LCORL: variants seen among roughly 807,000 people sequenced by gnomAD.
LCORL encodes ligand dependent nuclear receptor corepressor like, also known as ligand-dependent nuclear receptor corepressor-like protein.
A neutral mutation model predicts 141.8 loss-of-function variants in LCORL; 41 were observed. That is an observed-to-expected ratio of 0.29 (90% CI 0.23 to 0.38). The LOEUF (loss-of-function observed/expected upper bound fraction) is 0.38, where lower values mean the gene tolerates loss of function less well. LCORL is among the 10% of genes least tolerant of loss of function. The probability of loss-of-function intolerance (pLI) is 1.00; values close to 1 mark genes in which losing one functional copy is unlikely to be tolerated. For missense variants in LCORL, 1,759 were observed against 2,035.0 expected (o/e 0.86, Z 2.61); for synonymous variants, 618 against 694.1 (o/e 0.89, Z 1.72).
At chr4:17,843,496 T>A in exon 8 of LCORL, 1 of 1,541,268 alleles carries the variant, frequency 6.5e-7, no homozygotes, top group Non-Finnish European at 8.8e-7. Context: ...GAAGTTACCC[T>A]TGTCAAAATC....
At chr4:18,011,971 G>A (rs902402155) in intron 1 of LCORL, among the ~76,000 whole-genome samples, 23 of 152,244 alleles carry the variant, frequency 1.5e-4, no homozygotes, top group African/African-American at 5.5e-4. Flanking sequence ...CCTGATCACT[G>A]TGAACTCTTT....
intron 2 of LCORL, among the ~76,000 whole-genome samples, chr4:17,969,197 G>A (rs1205217801): frequency 6.6e-6 from 1 of 152,138 alleles, no homozygotes. Context: ...CAGGCATAGA[G>A]TACTGGGAAC....
In LCORL at chr4:17,884,226, C is replaced by T. The variant is rs900041449; in HGVS notation, c.776+1842G>A. The T allele has an allele frequency of 2.2e-5, 34 of 1,549,940 alleles. No individual in the cohort carries two copies. The highest frequency in any genetic ancestry group is 5.5e-5 in the African/African-American group (4 of 72,836). On this transcript the variant is annotated intron_variant, in intron 6 of 7. Transcript: ENST00000635767. The surrounding 1 kb of genome is among the most constrained non-coding windows in gnomAD (Gnocchi z 4.4). ...GAGGTTTTGGAAACTTGATACATAA[C>T]ATCCAACAGACCAGAACCATCAGGT...
chr4:17,880,743 T>G, intron 6 of LCORL: 1 of 967,152 alleles, frequency 1.0e-6, no homozygotes, highest in Non-Finnish European at 1.2e-6. Context: ...CAATTAAAAT[T>G]CATACAATCA....
rs147153811 is a variant in LCORL at position 17,966,909 on chromosome 4, A to G, written c.221-3860T>C. Among the ~76,000 whole-genome samples, 284 of 152,302 alleles carry G rather than the reference A, an allele frequency of 1.9e-3. 2 individuals carry two copies. The highest frequency in any genetic ancestry group is 6.4e-3 in the African/African-American group (266 of 41,578). Reference sequence around the variant, plus strand: ...TTACAAAACTAAACATAGTCTATCAATGATGCTCCTAAATATTTACCCAAA... The same window carrying G: ...TTACAAAACTAAACATAGTCTATCAGTGATGCTCCTAAATATTTACCCAAA... On this transcript the variant is annotated intron_variant, in intron 2 of 7. Transcript: ENST00000635767.
chr4:17,995,389 G>C (rs1056843677), intron 1 of LCORL, among the ~76,000 whole-genome samples: 3 of 151,978 alleles, frequency 2.0e-5, no homozygotes, highest in African/African-American at 7.2e-5. Context: ...TGTGGGAAGA[G>C]GCCAACTGTG....
At chr4:18,001,205 T>C (rs183898220) in intron 1 of LCORL, among the ~76,000 whole-genome samples, 1 of 152,264 alleles carries the variant, frequency 6.6e-6, no homozygotes, top group East Asian at 1.9e-4. Flanking sequence ...AAGGATTCAG[T>C]GTATGCTAAA....
Position 17,884,297 on chromosome 4 carries a change from T to C in LCORL, c.776+1771A>G, listed in dbSNP as rs1727999644. 6.5e-7 allele frequency: 1 copy of C among 1,549,962 alleles called. No homozygotes were observed. The highest frequency in any genetic ancestry group is 2.0e-5 in the Admixed American group (1 of 50,690). ...TACTCGTAGCTGAGGAATTTTTAAC[T>C]GTACAGTAGGATTTGAAGTTTCATA... is the stretch of plus-strand genomic sequence containing the variant. On this transcript the variant is annotated intron_variant, in intron 6 of 7. Transcript: ENST00000635767. This position sits in a 1 kb window ranked among gnomAD's most constrained non-coding sequence, Gnocchi z 4.4.
Position 17,925,427 on chromosome 4 carries a change from G to A in LCORL, c.431-16082C>T, listed in dbSNP as rs145872954. On this transcript the variant is annotated intron_variant, in intron 4 of 7. Coordinates refer to ENST00000635767, the Ensembl canonical transcript of LCORL. ...GAATGAAGCCTTAGGTCACTCCATC[G>A]GGTAAAAACCCACAGCCCACTGAGG... 2.5e-3 allele frequency among the ~76,000 whole-genome samples: 378 copies of A among 152,194 alleles called. 1 individual carries two copies. Among genetic ancestry groups the A allele is most frequent in the African/African-American group, 7.9e-3 (330 of 41,544 alleles).
intron 1 of LCORL, among the ~76,000 whole-genome samples, chr4:18,015,365 C>A (rs1034081699): frequency 6.6e-6 from 1 of 152,190 alleles, no homozygotes; most frequent in Non-Finnish European, 1.5e-5. Context: ...TAAAATTACA[C>A]ACTGCTTGGT....
Position 17,841,663 on chromosome 4 carries a change from T to G in LCORL, c.*4225A>C, listed in dbSNP as rs1320698744. 5 of 152,062 alleles carry G rather than the reference T, an allele frequency of 3.3e-5. No individual in the cohort carries two copies. The East Asian group carries it at 9.6e-4, about 29-fold the overall frequency. The allele number at this position is 152,062 out of a possible 1,614,324, so 9.4% of individuals were successfully genotyped here. A position where few individuals can be genotyped will look rare whatever the true frequency, so the allele number is the denominator to read the frequency against. Reference sequence around the variant, plus strand: ...TTTTTAATAGACCAAACTTCATATATTCATATTGTTTTATTCCTTATAAAT... The same window carrying G: ...TTTTTAATAGACCAAACTTCATATAGTCATATTGTTTTATTCCTTATAAAT... On this transcript the variant is annotated 3_prime_UTR_variant, in exon 8 of 8. Coordinates refer to ENST00000635767, the Ensembl canonical transcript of LCORL.
At chr4:17,984,161 T>G (rs1718523313) in intron 1 of LCORL, among the ~76,000 whole-genome samples, 1 of 152,182 alleles carries the variant, frequency 6.6e-6, no homozygotes. Context: ...GCTGCTGGAT[T>G]CAGTCTCCCA....
intron 4 of LCORL, among the ~76,000 whole-genome samples, chr4:17,936,792 G>C (rs1247777771): frequency 1.3e-5 from 2 of 151,936 alleles, no homozygotes; most frequent in Non-Finnish European, 2.9e-5. Flanking sequence ...ATTTTTTGCA[G>C]TAGGGGTGGC....
At chr4:17,912,215 C>A (rs1732674398) in intron 4 of LCORL, 2 of 761,644 alleles carry the variant, frequency 2.6e-6, no homozygotes, top group Admixed American at 1.7e-5. Context: ...ACAAAGCTGG[C>A]CGTGCGCCAG....
chr4:17,961,979 T>G lies in LCORL; in HGVS notation c.354A>C (p.Ser118=), dbSNP rs995716113. Residue 118 remains serine, a synonymous_variant, in exon 4 of 8, where the codon TCA becomes TCC. Coordinates refer to ENST00000635767, the Ensembl canonical transcript of LCORL. ...TATCAGTGTTGGACTGGCCCTGAGA[T>G]GATAGCTCCTCTGTTGGTGTTGACT... 5 of 1,609,276 alleles carry G rather than the reference T, an allele frequency of 3.1e-6. No individual in the cohort carries two copies. The African/African-American group carries it at 6.7e-5, about 22-fold the overall frequency.
chr4:17,992,811 T>C (rs768664882), intron 1 of LCORL, among the ~76,000 whole-genome samples: 56 of 152,246 alleles, frequency 3.7e-4, no homozygotes, highest in Non-Finnish European at 5.6e-4. Context: ...ACCATACTCA[T>C]AAATGTAAAA....
chr4:17,865,670 A>G (rs986363363), intron 7 of LCORL, among the ~76,000 whole-genome samples: 2 of 152,232 alleles, frequency 1.3e-5, no homozygotes, highest in Admixed American at 6.5e-5. Flanking sequence ...TCCTTCTACC[A>G]CTATAACACT....
intron 4 of LCORL, among the ~76,000 whole-genome samples, chr4:17,929,001 T>C (rs562072299): frequency 1.3e-5 from 2 of 152,162 alleles, no homozygotes; most frequent in South Asian, 2.1e-4. Context: ...TTCTAACCAA[T>C]AGCACAAAAC....
At chr4:17,967,302 G>A (rs1408790974) in intron 2 of LCORL, among the ~76,000 whole-genome samples, 1 of 152,124 alleles carries the variant, frequency 6.6e-6, no homozygotes, top group Non-Finnish European at 1.5e-5. Flanking sequence ...TTTTGGCAGT[G>A]ATATGCACTG....
Sources: gnomAD v4.1 joint callset for allele counts (sites outside exome capture counted in the v4.1 genomes callset) on GRCh38, gnomAD v4.1.1 for gene constraint, Gnocchi (gnomAD v3.1) non-coding constraint, MANE v1.5 for transcripts, NCBI Gene and HGNC (gene_info 2026-07-23, HGNC 2026-07-21) for gene names.